DLG2: variants seen among roughly 807,000 people sequenced by gnomAD.
The protein encoded by DLG2 is disks large homolog 2.
DLG2 carries 45 observed loss-of-function variants against 132.5 expected under a neutral mutation model. The ratio of observed to expected loss-of-function variants is 0.34; its 90% CI spans 0.27 to 0.44. The LOEUF is 0.44. Ranked by LOEUF, DLG2 falls within the 20% of genes least tolerant of loss-of-function variation. DLG2 has a pLI of 1.00. For synonymous variants in DLG2, 424 were observed against 419.6 expected, an observed-to-expected ratio of 1.01 and a Z score of -0.13; for missense variants, 1,045 against 1,196.9, an observed-to-expected ratio of 0.87 and a Z score of 1.87.
intron 3 of DLG2, among the ~76,000 whole-genome samples, chr11:85,454,449 A>C (rs748222543): frequency 2.0e-5 from 3 of 152,150 alleles, no homozygotes; most frequent in Non-Finnish European, 2.9e-5. Flanking sequence ...TCAGATACAT[A>C]GTTTGCAAAT....
chr11:85,136,402 A>T lies in DLG2; in HGVS notation c.282+18154T>A, dbSNP rs115540217. Among the ~76,000 whole-genome samples, 443 of 152,262 alleles carry T rather than the reference A, an allele frequency of 2.9e-3. 2 individuals carry two copies. The highest frequency in any genetic ancestry group is 0.01 in the African/African-American group (435 of 41,548). On this transcript the variant is annotated intron_variant, in intron 5 of 27. Transcript: ENST00000376104. ...TTGATTTTCCTCAGATATAAAGATG[A>T]TAGAGGATAATTCACTCCTTTGCCT... is the stretch of plus-strand genomic sequence containing the variant.
intron 11 of DLG2, among the ~76,000 whole-genome samples, chr11:84,034,022 G>A (rs34795664): frequency 0.022 from 3,415 of 152,056 alleles, 69 homozygotes; most frequent in Middle Eastern, 0.034. Flanking sequence ...CGGAGGTTGC[G>A]GTGAGCCAAG....
At chr11:85,062,095 T>C (rs2064206032) in intron 6 of DLG2, among the ~76,000 whole-genome samples, 2 of 151,932 alleles carry the variant, frequency 1.3e-5, no homozygotes, top group African/African-American at 4.8e-5. Flanking sequence ...CTCATTATTA[T>C]ACTGATAAAA....
chr11:83,869,801 A>T (rs1281755657), intron 16 of DLG2, among the ~76,000 whole-genome samples: 1 of 152,186 alleles, frequency 6.6e-6, no homozygotes, highest in Non-Finnish European at 1.5e-5. Flanking sequence ...AAGGCTGGCC[A>T]ACCCCTTTCA....
chr11:84,748,372 T>C (rs1034156672), intron 6 of DLG2, among the ~76,000 whole-genome samples: 1 of 152,176 alleles, frequency 6.6e-6, no homozygotes. Context: ...TTACAGGATG[T>C]GTACCAATAA....
chr11:83,811,464 T>C (rs1339850040), intron 17 of DLG2, among the ~76,000 whole-genome samples: 1 of 152,092 alleles, frequency 6.6e-6, no homozygotes, highest in African/African-American at 2.4e-5. Flanking sequence ...TTAATATCAC[T>C]AAAAGAAAAT....
At chr11:85,047,288 A>G (rs2062438714) in intron 6 of DLG2, among the ~76,000 whole-genome samples, 1 of 151,980 alleles carries the variant, frequency 6.6e-6, no homozygotes, top group African/African-American at 2.4e-5. Flanking sequence ...TTTCATTAGT[A>G]GAGTGGGCAA....
intron 7 of DLG2, among the ~76,000 whole-genome samples, chr11:84,494,381 C>T (rs972351657): frequency 1.3e-5 from 2 of 152,120 alleles, no homozygotes; most frequent in Admixed American, 1.3e-4. Flanking sequence ...CTAGGACATA[C>T]TTTTTACCTG....
chr11:85,394,466 C>A (rs1056763365), intron 3 of DLG2, among the ~76,000 whole-genome samples: 2 of 152,310 alleles, frequency 1.3e-5, no homozygotes, highest in Non-Finnish European at 2.9e-5. Flanking sequence ...CAGCAAAAGA[C>A]AACACTGATG....
chr11:85,353,487 G>A (rs549293039), intron 3 of DLG2, among the ~76,000 whole-genome samples: 64 of 152,202 alleles, frequency 4.2e-4, no homozygotes, highest in African/African-American at 1.4e-3. Context: ...CCTATTACTG[G>A]GTATATAACC....
At chr11:85,444,812 G>C (rs1408544985) in intron 3 of DLG2, among the ~76,000 whole-genome samples, 1 of 152,106 alleles carries the variant, frequency 6.6e-6, no homozygotes, top group Non-Finnish European at 1.5e-5. Flanking sequence ...AAGTAATTGT[G>C]GTTCTTGTAG....
At chr11:84,443,116 C>T (rs1392804870) in intron 7 of DLG2, among the ~76,000 whole-genome samples, 2 of 151,954 alleles carry the variant, frequency 1.3e-5, no homozygotes, top group African/African-American at 4.8e-5. Flanking sequence ...TCTTTTTCTC[C>T]TCTTAAAATC....
intron 6 of DLG2, among the ~76,000 whole-genome samples, chr11:85,093,174 T>C (rs879459673): frequency 2.6e-5 from 4 of 152,210 alleles, no homozygotes; most frequent in African/African-American, 9.6e-5. Context: ...GCAAGTGTTA[T>C]TGATTCAGAA....
chr11:84,932,128 T>G (rs892617218), intron 6 of DLG2, among the ~76,000 whole-genome samples: 1 of 152,246 alleles, frequency 6.6e-6, no homozygotes, highest in African/African-American at 2.4e-5. Flanking sequence ...TTTAATTCAT[T>G]CCCATTTGTC....
chr11:83,825,484 T>C (rs1447940532), intron 17 of DLG2, among the ~76,000 whole-genome samples: 1 of 152,042 alleles, frequency 6.6e-6, no homozygotes, highest in African/African-American at 2.4e-5. Context: ...CCCGGCCTAA[T>C]TACTGCTTTT....
intron 6 of DLG2, among the ~76,000 whole-genome samples, chr11:84,661,896 AAAG>A (rs1349903077): frequency 1.6e-4 from 24 of 152,172 alleles, no homozygotes; most frequent in Admixed American, 1.4e-3. Context: ...AAGTTTCCTT[AAAG>A]AAGCACAAGA....
chr11:84,510,094 CTTATTATTATTA>C lies in DLG2; in HGVS notation c.519+24464_519+24475del, dbSNP rs10680572. Among the ~76,000 whole-genome samples, 8 of 146,566 alleles carry C rather than the reference CTTATTATTATTA, an allele frequency of 5.5e-5. No individual in the cohort carries two copies. In the South Asian group the frequency reaches 6.4e-4, roughly 12 times the overall value. Reference sequence around the variant, plus strand: ...ACAATCAGAAAGTAGTAAGAGTTCACTTATTATTATTATTATTATTATTATTATTATGTTAAT... The same window carrying C: ...ACAATCAGAAAGTAGTAAGAGTTCACTTATTATTATTATTATTATGTTAAT... On this transcript the variant is annotated intron_variant, in intron 7 of 27. Coordinates refer to ENST00000376104, the MANE Select transcript of DLG2 (RefSeq NM_001142699.3).
chr11:85,602,078 A>T (rs1017749210), intron 2 of DLG2, among the ~76,000 whole-genome samples: 4 of 152,160 alleles, frequency 2.6e-5, no homozygotes, highest in African/African-American at 9.7e-5. Flanking sequence ...TCACTTGTCA[A>T]AACTGAACTC....
At chr11:84,481,098 G>T (rs1214470907) in intron 7 of DLG2, among the ~76,000 whole-genome samples, 2 of 152,020 alleles carry the variant, frequency 1.3e-5, no homozygotes, top group African/African-American at 4.8e-5. Flanking sequence ...AGACTCAAAA[G>T]AGATAATATA....
Sources: gnomAD v4.1 joint callset for allele counts (sites outside exome capture counted in the v4.1 genomes callset) on GRCh38, gnomAD v4.1.1 for gene constraint, MANE v1.5 for transcripts, NCBI Gene and HGNC (gene_info 2026-07-23, HGNC 2026-07-21) for gene names.